TP53BP1: variants seen among roughly 807,000 people sequenced by gnomAD.
TP53BP1 encodes the protein tumor protein p53 binding protein 1, also known as TP53-binding protein 1.
A neutral mutation model predicts 200.8 loss-of-function variants in TP53BP1; 61 were observed. That is an observed-to-expected ratio of 0.30 (90% CI 0.25 to 0.38). The LOEUF is 0.38. TP53BP1 is among the 10% of genes least tolerant of loss of function. The pLI is 1.00. For missense variants in TP53BP1, 2,144 were observed against 2,371.9 expected (o/e 0.90, Z 2.00); for synonymous variants, 822 against 844.3 (o/e 0.97, Z 0.46).
At position 43,405,171 on chromosome 15, in the gene TP53BP1, C is replaced by T; in HGVS notation, c.*2212G>A. On this transcript the variant is annotated 3_prime_UTR_variant, in exon 28 of 28. Transcript: ENST00000382044. ...TGAAGGTAGTCTTGGGAAAGCATGA[C>T]ACTTAATAAGGCTCTTTTTCTCTTT... 1 of 1,613,772 alleles carries T rather than the reference C, an allele frequency of 6.2e-7. No homozygotes were observed. The highest frequency in any genetic ancestry group is 2.2e-5 in the East Asian group (1 of 44,866).
At chr15:43,471,489 C>T (rs895009941) in intron 10 of TP53BP1, among the ~76,000 whole-genome samples, 2 of 151,848 alleles carry the variant, frequency 1.3e-5, no homozygotes, top group Non-Finnish European at 1.5e-5. Flanking sequence ...CGCAGTGGTG[C>T]CACCTTGGCT....
At chr15:43,483,693 C>T (rs1346704479) in intron 4 of TP53BP1, among the ~76,000 whole-genome samples, 1 of 152,126 alleles carries the variant, frequency 6.6e-6, no homozygotes, top group Non-Finnish European at 1.5e-5. Flanking sequence ...AGAACATTAT[C>T]TATATAACTG....
chr15:43,459,288 A>T (rs1443887303), intron 11 of TP53BP1, among the ~76,000 whole-genome samples: 2 of 152,096 alleles, frequency 1.3e-5, no homozygotes, highest in Non-Finnish European at 2.9e-5. Context: ...AGTGAGGCAA[A>T]ATCACGCCAC....
At chr15:43,413,864 C>T (rs969314191) in intron 23 of TP53BP1, among the ~76,000 whole-genome samples, 5 of 151,912 alleles carry the variant, frequency 3.3e-5, no homozygotes, top group African/African-American at 1.2e-4. Flanking sequence ...CATCACTGAC[C>T]GTCACCAGAA....
Position 43,487,382 on chromosome 15 carries a change from G to A in TP53BP1, c.371+4287C>T, listed in dbSNP as rs550270731. On this transcript the variant is annotated intron_variant, in intron 4 of 27. Transcript: ENST00000382044. The stretch of plus-strand genomic sequence containing the variant: ...GCTGGTGGGACTATAAAACAGTACG[G>A]CCACTCTAGAAAAGTTTGGCAGTTT... Among the ~76,000 whole-genome samples the A allele has an allele frequency of 6.6e-5, 10 of 152,184 alleles. No individual in the cohort carries two copies. The East Asian group carries it at 1.2e-3, about 18-fold the overall frequency.
At chr15:43,473,979 G>A (rs1490111651) in intron 10 of TP53BP1, among the ~76,000 whole-genome samples, 1 of 152,246 alleles carries the variant, frequency 6.6e-6, no homozygotes, top group Non-Finnish European at 1.5e-5. Flanking sequence ...GGGGTGGAAG[G>A]CTCAGGCATG....
chr15:43,509,688 C>T (rs2079260517), intron 1 of TP53BP1, among the ~76,000 whole-genome samples: 1 of 152,198 alleles, frequency 6.6e-6, no homozygotes, highest in Non-Finnish European at 1.5e-5. Flanking sequence ...GGATTACAGG[C>T]GTGGGCCACT....
intron 12 of TP53BP1, among the ~76,000 whole-genome samples, chr15:43,449,646 A>G (rs2046123496): frequency 1.3e-5 from 2 of 152,122 alleles, no homozygotes; most frequent in African/African-American, 4.8e-5. Context: ...ATAGCCTATC[A>G]ATCACTTCCT....
In TP53BP1 at chr15:43,465,196, T is replaced by C. The variant is rs144567006; in HGVS notation, c.1389+4662A>G. The stretch of plus-strand genomic sequence containing the variant: ...TTGTAGACTGGTGTCTACAAATCTA[T>C]AGAGACAGAAAGTAGACTACCCTCG... On this transcript the variant is annotated intron_variant, in intron 11 of 27. Coordinates refer to ENST00000382044, the MANE Select transcript of TP53BP1 (RefSeq NM_001141980.3). 7.2e-5 allele frequency among the ~76,000 whole-genome samples: 11 copies of C among 152,012 alleles called. No individual in the cohort carries two copies. The East Asian group carries it at 1.7e-3, about 24-fold the overall frequency.
chr15:43,489,760 T>G (rs148405643), intron 4 of TP53BP1, among the ~76,000 whole-genome samples: 9 of 152,340 alleles, frequency 5.9e-5, no homozygotes, highest in African/African-American at 2.2e-4. Flanking sequence ...TATATTAACA[T>G]TTTACCACCT....
intron 12 of TP53BP1, among the ~76,000 whole-genome samples, chr15:43,453,346 T>C (rs963623080): frequency 1.3e-5 from 2 of 152,126 alleles, no homozygotes; most frequent in African/African-American, 2.4e-5. Flanking sequence ...GTTATTCACA[T>C]TGTTCTTCAC....
chr15:43,439,404 C>T lies in TP53BP1; in HGVS notation c.3099-988G>A, dbSNP rs529255670. Among the ~76,000 whole-genome samples, 4 of 152,240 alleles carry T rather than the reference C, an allele frequency of 2.6e-5. No individual in the cohort carries two copies. In the South Asian group the frequency reaches 6.2e-4, roughly 24 times the overall value. ...AAACACAAAAATTAGCCCCTGGTGGCAGGTGCCTGTAGTCCCAGCACCCTG... is the reference window on the plus strand; with the variant it reads ...AAACACAAAAATTAGCCCCTGGTGGTAGGTGCCTGTAGTCCCAGCACCCTG... On this transcript the variant is annotated intron_variant, in intron 15 of 27. Coordinates refer to ENST00000382044, the MANE Select transcript of TP53BP1 (RefSeq NM_001141980.3).
chr15:43,477,797 G>A (rs985917703), intron 7 of TP53BP1, 38 bp from the exon 8 acceptor site: 2 of 1,434,488 alleles, frequency 1.4e-6, no homozygotes, highest in African/African-American at 2.9e-5. Flanking sequence ...AAGTTCCTAA[G>A]TTCAAATGTT....
intron 17 of TP53BP1, among the ~76,000 whole-genome samples, chr15:43,431,025 A>G (rs1218845858): frequency 6.6e-6 from 1 of 152,204 alleles, no homozygotes; most frequent in Admixed American, 6.5e-5. Context: ...CAAGCAATGC[A>G]ATACCATGAG....
intron 15 of TP53BP1, among the ~76,000 whole-genome samples, chr15:43,439,832 A>G (rs1042747044): frequency 1.3e-5 from 2 of 152,180 alleles, no homozygotes; most frequent in African/African-American, 4.8e-5. Flanking sequence ...TTCCCTCTGA[A>G]TATGCACAAG....
At chr15:43,482,730 T>C (rs2078991378) in intron 4 of TP53BP1, among the ~76,000 whole-genome samples, 1 of 151,818 alleles carries the variant, frequency 6.6e-6, no homozygotes, top group Non-Finnish European at 1.5e-5. Context: ...ATCACGCTAC[T>C]GCACTCCAGC....
intron 4 of TP53BP1, among the ~76,000 whole-genome samples, chr15:43,486,146 G>C (rs992657605): frequency 6.6e-6 from 1 of 151,964 alleles, no homozygotes; most frequent in Non-Finnish European, 1.5e-5. Flanking sequence ...GGAGGCTGAG[G>C]GGGGTGGATC....
At chr15:43,422,261 T>C (rs2045422206) in intron 18 of TP53BP1, 135 bp from the exon 19 acceptor site, 3 of 1,071,172 alleles carry the variant, frequency 2.8e-6, no homozygotes, top group Admixed American at 2.8e-5. Flanking sequence ...TCTGGAATAA[T>C]GGGAATGTTC....
chr15:43,408,312 T>C (rs2044987889), intron 26 of TP53BP1: 2 of 447,428 alleles, frequency 4.5e-6, no homozygotes, highest in African/African-American at 4.0e-5. Context: ...ACCCCATCTC[T>C]ACAAAAGACA....
Sources: gnomAD v4.1 joint callset for allele counts (sites outside exome capture counted in the v4.1 genomes callset) on GRCh38, gnomAD v4.1.1 for gene constraint, MANE v1.5 for transcripts, NCBI Gene and HGNC (gene_info 2026-07-23, HGNC 2026-07-21) for gene names.